The following LAMP1 variants were observed in gnomAD, a reference collection of about 807,000 sequenced individuals.
LAMP1 encodes lysosome-associated membrane glycoprotein 1.
LAMP1 carries 7 observed loss-of-function variants against 37.5 expected under a neutral mutation model. That is an observed-to-expected ratio of 0.19 (90% CI 0.11 to 0.35). LAMP1 has a LOEUF of 0.35. Among genes scored for constraint, LAMP1 ranks in the 10% least tolerant of loss-of-function variants. LAMP1 has a pLI of 1.00. For synonymous variants in LAMP1, 236 were observed against 229.1 expected, an observed-to-expected ratio of 1.03 and a Z score of -0.27; for missense variants, 537 against 552.8, an observed-to-expected ratio of 0.97 and a Z score of 0.29.
rs1595455140 is a variant in LAMP1 at position 113,297,858 on chromosome 13, A to C, written c.61+363A>C. Among the ~76,000 whole-genome samples, 1 of 152,036 alleles carries C rather than the reference A, an allele frequency of 6.6e-6. No homozygotes were observed. The highest frequency in any genetic ancestry group is 2.4e-5 in the African/African-American group (1 of 41,398). ...TTTCCTGGCAAGTTGAGGCGGTGAGATCTAGACGAGGCTGCGCCGCCGAAG... is the reference window on the plus strand; with the variant it reads ...TTTCCTGGCAAGTTGAGGCGGTGAGCTCTAGACGAGGCTGCGCCGCCGAAG... On this transcript the variant is annotated intron_variant, in intron 1 of 8. Coordinates refer to ENST00000332556, the MANE Select transcript of LAMP1 (RefSeq NM_005561.4). The surrounding 1 kb of genome is among the most constrained non-coding windows in gnomAD (Gnocchi z 4.4).
intron 1 of LAMP1, chr13:113,306,218 T>G: frequency 3.8e-6 from 1 of 260,022 alleles, no homozygotes; most frequent in African/African-American, 2.3e-5. Flanking sequence ...TTAGCTGGGT[T>G]TGGTGGCACG....
intron 4 of LAMP1, among the ~76,000 whole-genome samples, chr13:113,315,373 G>A (rs1322793381): frequency 7.2e-6 from 1 of 139,568 alleles, no homozygotes. Context: ...AAAGCCTCAT[G>A]TATCTTGTCT....
chr13:113,322,376 C>T lies in LAMP1; in HGVS notation c.1209C>T (p.Tyr403=). The change falls in exon 9 of 9, where the codon TAC becomes TAT. Residue 403 remains tyrosine, a synonymous_variant. Coordinates refer to ENST00000332556, the MANE Select transcript of LAMP1 (RefSeq NM_005561.4). ...TGGTCCTCATCGTCCTCATCGCCTA[C>T]CTCGTCGGCAGGAAGAGGAGTCACG... ...AGLVLIVLIA[Y]LVGRKRSHAG... is the part of the protein sequence containing the mutation. 6 of 1,604,126 alleles carry T rather than the reference C, an allele frequency of 3.7e-6. No individual in the cohort carries two copies. In the Admixed American group the frequency reaches 6.8e-5, roughly 18 times the overall value.
rs1174464829 is a variant in LAMP1 at position 113,301,636 on chromosome 13, AAAAAAAAAATATATATATAT to A, written c.61+4143_61+4162del. 3.8e-3 allele frequency among the ~76,000 whole-genome samples: 94 copies of A among 24,776 alleles called. 2 individuals are homozygous for A. The highest frequency in any genetic ancestry group is 0.01 in the African/African-American group (93 of 9,146). 16.3% of individuals were successfully genotyped at this position (24,776 alleles called of 152,430 possible). A position where few individuals can be genotyped will look rare whatever the true frequency, so the allele number is the denominator to read the frequency against. On this transcript the variant is annotated intron_variant, in intron 1 of 8. Transcript: ENST00000332556. ...AGACTCTGTTTCCATTTAAAAAAAAAAAAAAAAAATATATATATATATATATATATATATATATATATATA... is the reference window on the plus strand; with the variant it reads ...AGACTCTGTTTCCATTTAAAAAAAAAATATATATATATATATATATATATA...
chr13:113,313,911 G>T (rs186735439), intron 4 of LAMP1, among the ~76,000 whole-genome samples: 1 of 77,392 alleles, frequency 1.3e-5, no homozygotes, highest in African/African-American at 1.1e-4. Context: ...TGGAGATGCC[G>T]GTGTGCCTGG....
chr13:113,306,834 CTTTTTTTTT>C (rs780041684), intron 2 of LAMP1, among the ~76,000 whole-genome samples: 22 of 80,160 alleles, frequency 2.7e-4, no homozygotes, highest in East Asian at 2.0e-3. Flanking sequence ...GAACATTTTC[CTTTTTTTTT>C]TTTTTTTTTT....
chr13:113,309,526 T>G, intron 2 of LAMP1, 117 bp from the exon 3 acceptor site: 1 of 748,406 alleles, frequency 1.3e-6, no homozygotes, highest in Non-Finnish European at 2.2e-6. Flanking sequence ...ACCTCAGTAG[T>G]GATATCTTAG....
chr13:113,322,552 T>C lies in LAMP1; in HGVS notation c.*131T>C, dbSNP rs538015427. 3 of 810,466 alleles carry C rather than the reference T, an allele frequency of 3.7e-6. No individual in the cohort carries two copies. In the South Asian group the frequency reaches 5.7e-5, roughly 15 times the overall value. 50.2% of individuals were successfully genotyped at this position (810,466 alleles called of 1,614,324 possible). Reference sequence around the variant, plus strand: ...TGCTTCATCCAATGTGAAGTTCATCTTGCAGCATTTACTATGCACAACAGA... The same window carrying C: ...TGCTTCATCCAATGTGAAGTTCATCCTGCAGCATTTACTATGCACAACAGA... On this transcript the variant is annotated 3_prime_UTR_variant, in exon 9 of 9. Transcript: ENST00000332556.
chr13:113,310,132 G>A (rs2042622155), intron 3 of LAMP1, among the ~76,000 whole-genome samples: 1 of 152,146 alleles, frequency 6.6e-6, no homozygotes, highest in African/African-American at 2.4e-5. Flanking sequence ...GGGAGGCTGA[G>A]GCAGGAGAAT....
In LAMP1 at chr13:113,320,660, CA is replaced by C; in HGVS notation, c.876+191del. On this transcript the variant is annotated intron_variant, in intron 6 of 8. Transcript: ENST00000332556. The surrounding 1 kb of genome is among the most constrained non-coding windows in gnomAD (Gnocchi z 4.4). ...CTTTCCATTCCATTCATAGATGCAG[CA>C]GATGATGTGGGCGGGGCTGCTGTGC... The C allele has an allele frequency of 1.6e-6, 1 of 616,822 alleles. No homozygotes were observed. Among genetic ancestry groups the C allele is most frequent in the Non-Finnish European group, 2.8e-6 (1 of 359,542 alleles). The allele number at this position is 616,822 out of a possible 1,614,324, so 38.2% of individuals were successfully genotyped here. A position where few individuals can be genotyped will look rare whatever the true frequency, so the allele number is the denominator to read the frequency against.
chr13:113,316,427 T>C (rs1270884097), intron 4 of LAMP1, among the ~76,000 whole-genome samples: 1 of 151,200 alleles, frequency 6.6e-6, no homozygotes, highest in Non-Finnish European at 1.5e-5. Context: ...CATGATTTTT[T>C]TTTTTTTTTT....
At position 113,297,982 on chromosome 13, in the gene LAMP1, G is replaced by C. The variant is rs1190809730; in HGVS notation, c.61+487G>C. Among the ~76,000 whole-genome samples, 1 of 152,196 alleles carries C rather than the reference G, an allele frequency of 6.6e-6. No individual in the cohort carries two copies. Among genetic ancestry groups the C allele is most frequent in the Non-Finnish European group, 1.5e-5 (1 of 68,040 alleles). On this transcript the variant is annotated intron_variant, in intron 1 of 8. Transcript: ENST00000332556. This position sits in a 1 kb window ranked among gnomAD's most constrained non-coding sequence, Gnocchi z 4.4. The stretch of plus-strand genomic sequence containing the variant: ...CCAGGACAGGGAGAAGCCGGTGCGA[G>C]CATTCCCCACCTTTGTACTTGAACC...
At chr13:113,317,276 C>T (rs1022421189) in intron 4 of LAMP1, among the ~76,000 whole-genome samples, 5 of 152,180 alleles carry the variant, frequency 3.3e-5, no homozygotes, top group South Asian at 2.1e-4. Flanking sequence ...CTCTCCAGTG[C>T]GTTCCGTGAT....
intron 8 of LAMP1, 45 bp from the exon 9 acceptor site, chr13:113,322,237 C>A (rs1034814437): frequency 6.4e-7 from 1 of 1,571,304 alleles, no homozygotes; most frequent in Non-Finnish European, 8.7e-7. Context: ...TGTTTGCAGG[C>A]CCCTGTGTGA....
Position 113,297,446 on chromosome 13 carries a change from C to G in LAMP1, c.12C>G (p.Pro4=). 1.8e-6 allele frequency: 2 copies of G among 1,101,742 alleles called. No individual in the cohort carries two copies. Among genetic ancestry groups the G allele is most frequent in the Non-Finnish European group, 1.2e-6 (1 of 862,470 alleles). The allele number at this position is 1,101,742 out of a possible 1,614,324, so 68.2% of individuals were successfully genotyped here. The change falls in exon 1 of 9, where the codon CCC becomes CCG. Residue 4 remains proline (P), a synonymous_variant. Transcript: ENST00000332556. The surrounding 1 kb of genome is among the most constrained non-coding windows in gnomAD (Gnocchi z 4.4). MAA[P]GSARRPLLLL... ...GGCCGCCTCGCGCCATGGCGGCCCC[C>G]GGCAGCGCCCGGCGACCCCTGCTGC...
At chr13:113,322,083 A>G in intron 8 of LAMP1, 199 bp from the exon 9 acceptor site, 1 of 612,038 alleles carries the variant, frequency 1.6e-6, no homozygotes, top group Non-Finnish European at 2.8e-6. Context: ...CGGGGGAGAG[A>G]CGTGTGTGGT....
At chr13:113,307,163 C>CT (rs11426559) in intron 2 of LAMP1, among the ~76,000 whole-genome samples, 82,768 of 137,260 alleles carry the variant, frequency 0.6, 25,855 homozygotes, top group South Asian at 0.83. Flanking sequence ...TTCTAGTTTT[C>CT]TTTTTTTTTT....
At chr13:113,304,632 T>C (rs2042589363) in intron 1 of LAMP1, among the ~76,000 whole-genome samples, 1 of 152,068 alleles carries the variant, frequency 6.6e-6, no homozygotes, top group African/African-American at 2.4e-5. Flanking sequence ...CTACTTTGTT[T>C]CATTGTCGTG....
rs796507199 is a variant in LAMP1 at position 113,298,260 on chromosome 13, A to C, written c.61+765A>C. 1.1e-4 allele frequency among the ~76,000 whole-genome samples: 16 copies of C among 152,238 alleles called. No homozygotes were observed. In the East Asian group the frequency reaches 2.7e-3, roughly 26 times the overall value. ...TGGGGAAGCACCCTTCTCTTCTGTC[A>C]GTTTATAGAGCTCAGATGGGCAGTA... On this transcript the variant is annotated intron_variant, in intron 1 of 8. Transcript: ENST00000332556.
Sources: gnomAD v4.1 joint callset for allele counts (sites outside exome capture counted in the v4.1 genomes callset) on GRCh38, gnomAD v4.1.1 for gene constraint, Gnocchi (gnomAD v3.1) non-coding constraint, MANE v1.5 for transcripts, NCBI Gene and HGNC (gene_info 2026-07-23, HGNC 2026-07-21) for gene names.